The following MYO16 variants were observed in gnomAD, a reference collection of about 807,000 sequenced individuals.
MYO16 encodes the protein unconventional myosin-XVI.
Under a neutral mutation model 205.3 loss-of-function variants are expected in MYO16, and 94 were observed. The observed-to-expected ratio is 0.46, with a 90% CI of 0.39 to 0.54. The LOEUF (loss-of-function observed/expected upper bound fraction) is 0.54, where lower values mean the gene tolerates loss of function less well. Ranked by LOEUF, MYO16 falls within the 20% of genes least tolerant of loss-of-function variation. MYO16 has a pLI of 0.00. For missense variants in MYO16, 2,315 were observed against 2,387.5 expected, an observed-to-expected ratio of 0.97 and a Z score of 0.63; for synonymous variants, 988 against 954.0, an observed-to-expected ratio of 1.04 and a Z score of -0.66.
chr13:109,130,635 G>A (rs894038007), intron 31 of MYO16, among the ~76,000 whole-genome samples: 17 of 152,212 alleles, frequency 1.1e-4, no homozygotes, highest in African/African-American at 3.9e-4. Context: ...TGTAATCCAT[G>A]ATCGCAAAGG....
chr13:109,182,959 A>G (rs970197686), intron 34 of MYO16, among the ~76,000 whole-genome samples: 1 of 152,240 alleles, frequency 6.6e-6, no homozygotes, highest in Non-Finnish European at 1.5e-5. Flanking sequence ...CTGGGCATGA[A>G]TAAAACTGGC....
chr13:108,999,756 A>C (rs1353483988), intron 21 of MYO16, among the ~76,000 whole-genome samples: 1 of 152,200 alleles, frequency 6.6e-6, no homozygotes, highest in Non-Finnish European at 1.5e-5. Context: ...AGTTCACACA[A>C]AACCAAGGTC....
rs763586369 is a variant in MYO16 at position 109,140,484 on chromosome 13, G to A, written c.4272G>A (p.Pro1424=). The change falls in exon 32 of 35, where the codon CCG becomes CCA. Residue 1424 remains proline, a synonymous_variant. Transcript: ENST00000457511. This position sits in a 1 kb window ranked among gnomAD's most constrained non-coding sequence, Gnocchi z 8.0. ...GCGCGCTGCCCCCGGCGGCGCCTCC[G>A]GGTGACGAGGACGACAGCGAGCCTG... ...PQCALPPAAP[P]GDEDDSEPVY... 6.5e-7 allele frequency: 1 copy of A among 1,542,814 alleles called. No individual in the cohort carries two copies. Among genetic ancestry groups the A allele is most frequent in the Non-Finnish European group, 8.7e-7 (1 of 1,153,408 alleles).
the MYO16 span, among the ~76,000 whole-genome samples, chr13:108,554,848 T>TAAAAAA: frequency 1.2e-4 from 9 of 77,980 alleles, no homozygotes; most frequent in Non-Finnish European, 1.8e-4. Flanking sequence ...AGACTCTGAC[T>TAAAAAA]AAAAAAAAAA....
At chr13:108,691,415 T>TGAGA (rs930890862) in intron 2 of MYO16, among the ~76,000 whole-genome samples, 1 of 151,634 alleles carries the variant, frequency 6.6e-6, no homozygotes, top group Non-Finnish European at 1.5e-5. Flanking sequence ...TGTGTGTTTG[T>TGAGA]GAGAGAGAGA....
chr13:108,929,119 A>T (rs968328577), intron 16 of MYO16, among the ~76,000 whole-genome samples: 1 of 152,240 alleles, frequency 6.6e-6, no homozygotes, highest in Admixed American at 6.5e-5. Context: ...TGAAATTTTT[A>T]AAAAATCAAA....
intron 7 of MYO16, among the ~76,000 whole-genome samples, chr13:108,809,748 A>G (rs966494829): frequency 2.0e-5 from 3 of 152,174 alleles, no homozygotes; most frequent in Non-Finnish European, 2.9e-5. Flanking sequence ...CAAACATCCA[A>G]ACTATATCAG....
chr13:108,865,699 C>G (rs1159575999), intron 11 of MYO16, among the ~76,000 whole-genome samples: 3 of 151,826 alleles, frequency 2.0e-5, no homozygotes, highest in Non-Finnish European at 2.9e-5. Flanking sequence ...TCCATCTGTA[C>G]TTTGTGCCTT....
At chr13:108,729,836 G>C (rs1884465841) in intron 4 of MYO16, among the ~76,000 whole-genome samples, 1 of 152,182 alleles carries the variant, frequency 6.6e-6, no homozygotes, top group South Asian at 2.1e-4. Context: ...AAGAGCAAGA[G>C]GACTTGCCTT....
rs892093138 is a variant in MYO16 at position 109,125,503 on chromosome 13, G to A, written c.3782+145G>A. ...CATGCGTGGTTTGTTATTCGAAATG[G>A]CAGCAGTCTAAAAAGATGCTTTCCT... On this transcript the variant is annotated intron_variant, in intron 30 of 34. Coordinates refer to ENST00000457511, the MANE Select transcript of MYO16 (RefSeq NM_001198950.3). The surrounding 1 kb of genome is among the most constrained non-coding windows in gnomAD (Gnocchi z 4.0). 2.1e-5 allele frequency: 23 copies of A among 1,113,542 alleles called. 2 individuals are homozygous for A. In the South Asian group the frequency reaches 3.4e-4, roughly 16 times the overall value. 69.0% of individuals were successfully genotyped at this position (1,113,542 alleles called of 1,614,324 possible).
chr13:108,619,981 T>A (rs1454576985), intron 1 of MYO16, among the ~76,000 whole-genome samples: 7 of 152,168 alleles, frequency 4.6e-5, no homozygotes, highest in African/African-American at 1.2e-4. Flanking sequence ...TGCCCCATGA[T>A]GAAAGGTATG....
At chr13:108,726,998 C>T (rs1884363127) in intron 3 of MYO16, among the ~76,000 whole-genome samples, 1 of 150,072 alleles carries the variant, frequency 6.7e-6, no homozygotes, top group Non-Finnish European at 1.5e-5. Flanking sequence ...TCTGAAGGGC[C>T]TTGTCTATCT....
Position 109,207,934 on chromosome 13 carries a change from T to C in MYO16, c.*1098T>C, listed in dbSNP as rs1200960886. The C allele has an allele frequency of 6.6e-6, 1 of 152,266 alleles. No individual in the cohort carries two copies. The highest frequency in any genetic ancestry group is 2.4e-5 in the African/African-American group (1 of 41,466). The allele number at this position is 152,266 out of a possible 1,614,324, so 9.4% of individuals were successfully genotyped here. ...GCTCCAGACCACCTTGTCTTGCTAC[T>C]TGGAACTTTTTATTCATACCAGCCT... On this transcript the variant is annotated 3_prime_UTR_variant, in exon 35 of 35. Coordinates refer to ENST00000457511, the MANE Select transcript of MYO16 (RefSeq NM_001198950.3).
intron 4 of MYO16, among the ~76,000 whole-genome samples, chr13:108,776,092 G>T (rs1261464382): frequency 2.6e-5 from 4 of 152,120 alleles, no homozygotes; most frequent in African/African-American, 9.7e-5. Context: ...TACATTCCCA[G>T]CTTCAAAGAA....
chr13:109,071,454 A>G (rs1887924335), intron 27 of MYO16, among the ~76,000 whole-genome samples: 1 of 152,194 alleles, frequency 6.6e-6, no homozygotes, highest in South Asian at 2.1e-4. Context: ...AGCCACCTCA[A>G]TCACTGATGA....
At chr13:109,042,580 T>G (rs1319964930) in intron 23 of MYO16, among the ~76,000 whole-genome samples, 10 of 152,226 alleles carry the variant, frequency 6.6e-5, no homozygotes, top group Admixed American at 6.5e-4. Flanking sequence ...TTATGTAACA[T>G]GTTATCAATT....
chr13:108,907,264 T>G (rs1881030590), intron 15 of MYO16, among the ~76,000 whole-genome samples: 1 of 152,222 alleles, frequency 6.6e-6, no homozygotes, highest in Non-Finnish European at 1.5e-5. Flanking sequence ...TTATGTTACA[T>G]GTAATCTGCA....
At chr13:108,543,301 C>T in the MYO16 span, among the ~76,000 whole-genome samples, 1 of 152,200 alleles carries the variant, frequency 6.6e-6, no homozygotes, top group East Asian at 1.9e-4. Flanking sequence ...GGTAATTTCA[C>T]ATATTTTAAG....
chr13:108,743,338 T>C (rs1884966619), intron 4 of MYO16, among the ~76,000 whole-genome samples: 1 of 152,194 alleles, frequency 6.6e-6, no homozygotes, highest in African/African-American at 2.4e-5. Flanking sequence ...AAATCCATCA[T>C]ACATAATTTC....
Sources: gnomAD v4.1 joint callset for allele counts (sites outside exome capture counted in the v4.1 genomes callset) on GRCh38, gnomAD v4.1.1 for gene constraint, Gnocchi (gnomAD v3.1) non-coding constraint, MANE v1.5 for transcripts, NCBI Gene and HGNC (gene_info 2026-07-23, HGNC 2026-07-21) for gene names.